Variants in RCC2 observed in about 807,000 individuals in gnomAD.
The protein encoded by RCC2 is protein RCC2.
Under a neutral mutation model 64.1 loss-of-function variants are expected in RCC2, and 19 were observed. The ratio of observed to expected loss-of-function variants is 0.30; its 90% CI spans 0.21 to 0.44. The LOEUF is 0.44. Ranked by LOEUF, RCC2 falls within the 20% of genes least tolerant of loss-of-function variation. The probability of loss-of-function intolerance (pLI) is 1.00; values close to 1 mark genes in which losing one functional copy is unlikely to be tolerated. For missense variants in RCC2, 508 were observed against 710.4 expected (o/e 0.72, Z 3.24); for synonymous variants, 325 against 279.6 (o/e 1.16, Z -1.62).
rs534738834 is a variant in RCC2, at chr1:17,414,420, CT to C, written c.1027-704del. ...TGGTGTGCACCTGTAATCCCAGCTACTCAGGAGGCTGAGACAGGAGAATCTC... is the reference window on the plus strand; with the variant it reads ...TGGTGTGCACCTGTAATCCCAGCTACCAGGAGGCTGAGACAGGAGAATCTC... On this transcript the variant is annotated intron_variant, in intron 8 of 12. Transcript: ENST00000375436. Among the ~76,000 whole-genome samples, 37 of 151,882 alleles carry C rather than the reference CT, an allele frequency of 2.4e-4. No individual in the cohort carries two copies. In the East Asian group the frequency reaches 6.6e-3, roughly 27 times the overall value.
At chr1:17,421,472 C>A (rs189221425) in intron 6 of RCC2, among the ~76,000 whole-genome samples, 136 of 149,442 alleles carry the variant, frequency 9.1e-4, no homozygotes, top group African/African-American at 2.9e-3. Flanking sequence ...TCTAGCCTGG[C>A]AACAGAGCGA....
In RCC2 at chr1:17,409,098, T is replaced by C. The variant is rs2100347898; in HGVS notation, c.1561A>G (p.Thr521Ala). 6.2e-7 allele frequency: 1 copy of C among 1,611,194 alleles called. No homozygotes were observed. ...AGGAGTCTCCGGGAGCATCAGAGGG[T>C]TCGGGGGTTGTATTCTGGCAGTTTC... Reference protein sequence around the residue: ...IKKLPEYNPRTL With the variant: ...IKKLPEYNPRAL The change falls in exon 13 of 13, where the codon ACC becomes GCC. Residue 521 changes from threonine to alanine, a missense_variant. Physicochemically the swap from Thr to Ala is moderately conservative, Grantham distance 58. Around this residue, in one of 4 missense-constraint regions of RCC2, gnomAD observed 179 missense variants for 322.0 expected, o/e 0.56. Transcript: ENST00000375436.
intron 11 of RCC2, 129 bp downstream of exon 11, chr1:17,411,993 A>G: frequency 1.3e-6 from 1 of 799,824 alleles, no homozygotes; most frequent in Non-Finnish European, 2.1e-6. Context: ...GCAAACCTTA[A>G]TACAATAAGG....
intron 2 of RCC2, among the ~76,000 whole-genome samples, chr1:17,434,242 C>T (rs186681891): frequency 3.3e-5 from 5 of 152,338 alleles, no homozygotes; most frequent in African/African-American, 9.6e-5. Flanking sequence ...AGGCAGCTTC[C>T]GGATGGGGCA....
chr1:17,422,039 AAAACAAAAAAAC>A (rs961906263), intron 6 of RCC2, among the ~76,000 whole-genome samples, 152 bp downstream of exon 6: 17 of 152,250 alleles, frequency 1.1e-4, no homozygotes, highest in Non-Finnish European at 1.6e-4. Context: ...AAAAAAACAA[AAAACAAAAAAAC>A]AAACAAAAAA....
intron 8 of RCC2, among the ~76,000 whole-genome samples, chr1:17,415,825 T>C (rs1173890401): frequency 6.6e-6 from 1 of 151,216 alleles, no homozygotes; most frequent in African/African-American, 2.4e-5. Context: ...TCCCAGCACT[T>C]TGAGAGGCCG....
intron 3 of RCC2, among the ~76,000 whole-genome samples, chr1:17,426,864 T>C (rs775257618): frequency 6.7e-6 from 1 of 150,272 alleles, no homozygotes; most frequent in Non-Finnish European, 1.5e-5. Flanking sequence ...CCAGGTTCAA[T>C]TGATTCTCCT....
At position 17,428,381 on chromosome 1, in the gene RCC2, C is replaced by T. The variant is rs572489187; in HGVS notation, c.379+725G>A. ...TAAACCCATTTCTAATTCAGCTGGC[C>T]CCCAGGTGTTTTCATGGAACAAGGT... On this transcript the variant is annotated intron_variant, in intron 3 of 12. Coordinates refer to ENST00000375436, the MANE Select transcript of RCC2 (RefSeq NM_018715.4). 7.8e-4 allele frequency among the ~76,000 whole-genome samples: 119 copies of T among 152,196 alleles called. 1 individual carries two copies. Among genetic ancestry groups the T allele is most frequent in the African/African-American group, 2.7e-3 (114 of 41,538 alleles).
At chr1:17,409,645 C>T (rs1010660339) in intron 12 of RCC2, among the ~76,000 whole-genome samples, 2 of 152,228 alleles carry the variant, frequency 1.3e-5, no homozygotes, top group Non-Finnish European at 2.9e-5. Flanking sequence ...TGTGGACCTG[C>T]GGACCTGCCT....
rs2075487533 is a variant in RCC2, at chr1:17,416,533, G to C, written c.973C>G (p.Leu325Val). The change falls in exon 8 of 13, where the codon CTG becomes GTG. Residue 325 changes from leucine to valine, a missense_variant. This residue lies in a region of RCC2 where 179 missense variants were observed against 322.0 expected (regional missense o/e 0.56). Transcript: ENST00000375436. ...CGTACAACCACGTTTGGTACAGGCA[G>C]AATCTGTCCATCTTTCGTCTTCTCA... Reference protein sequence around the residue: ...FIEKTKDGQILPVPNVVVRDV... With the variant: ...FIEKTKDGQIVPVPNVVVRDV... 2.5e-6 allele frequency: 4 copies of C among 1,613,952 alleles called. No homozygotes were observed. The highest frequency in any genetic ancestry group is 3.4e-6 in the Non-Finnish European group (4 of 1,180,036).
intron 11 of RCC2, among the ~76,000 whole-genome samples, chr1:17,410,382 G>C (rs1261531838): frequency 6.6e-6 from 1 of 152,254 alleles, no homozygotes; most frequent in Non-Finnish European, 1.5e-5. Flanking sequence ...AGGAAGAATG[G>C]CAACTGCGGC....
At chr1:17,431,442 G>A (rs1289370319) in intron 2 of RCC2, among the ~76,000 whole-genome samples, 1 of 119,034 alleles carries the variant, frequency 8.4e-6, no homozygotes, top group Admixed American at 9.7e-5. Context: ...TGAAGCAGGC[G>A]GATCACCTGA....
intron 2 of RCC2, among the ~76,000 whole-genome samples, chr1:17,429,404 C>T (rs561719444): frequency 1.7e-4 from 26 of 152,284 alleles, no homozygotes; most frequent in Admixed American, 2.6e-4. Flanking sequence ...TGCCCACAGC[C>T]GCTCACTTGC....
chr1:17,425,158 CAG>C (rs1336473012), intron 4 of RCC2, among the ~76,000 whole-genome samples: 2 of 152,088 alleles, frequency 1.3e-5, no homozygotes, highest in Non-Finnish European at 2.9e-5. Context: ...GTGGCAGCAA[CAG>C]AGGTCTCATG....
intron 11 of RCC2, among the ~76,000 whole-genome samples, chr1:17,411,859 A>C (rs1317496719): frequency 1.3e-5 from 2 of 152,172 alleles, no homozygotes; most frequent in Non-Finnish European, 2.9e-5. Flanking sequence ...TGGTTTACAA[A>C]ATGTGAGGGG....
In RCC2 at chr1:17,417,794, T is replaced by C. The variant is rs1250938138; in HGVS notation, c.860-1148A>G. ...TGGTGTGCACCTCAGCCCTTATTGG[T>C]ATGTGTGTTTTTGAGCACTGTGCTA... On this transcript the variant is annotated intron_variant, in intron 7 of 12. Coordinates refer to ENST00000375436, the MANE Select transcript of RCC2 (RefSeq NM_018715.4). Among the ~76,000 whole-genome samples the C allele has an allele frequency of 2.6e-5, 4 of 152,160 alleles. No individual in the cohort carries two copies. In the East Asian group the frequency reaches 7.7e-4, roughly 29 times the overall value.
Position 17,422,233 on chromosome 1 carries a change from G to A in RCC2, c.714C>T (p.Asn238=), listed in dbSNP as rs762579861. The A allele has an allele frequency of 8.7e-6, 14 of 1,612,190 alleles. No homozygotes were observed. In the South Asian group the frequency reaches 1.3e-4, roughly 15 times the overall value. ...CGGGGCTGGGAACAGCGTCTGTCTG[G>A]TTGCCAAGGCCCAGCTGCCCCATCT... is the stretch of plus-strand genomic sequence containing the variant. ...ENKMGQLGLG[N]QTDAVPSPAQ... Residue 238 remains asparagine (N), a synonymous_variant, in exon 6 of 13, where the codon AAC becomes AAT. Transcript: ENST00000375436.
At chr1:17,418,327 C>T (rs749624353) in intron 7 of RCC2, among the ~76,000 whole-genome samples, 41 of 151,170 alleles carry the variant, frequency 2.7e-4, no homozygotes, top group South Asian at 1.9e-3. Context: ...CTACTGTTGA[C>T]ATAATCCCTT....
At chr1:17,435,376 C>G (rs933289766) in intron 2 of RCC2, among the ~76,000 whole-genome samples, 1 of 152,244 alleles carries the variant, frequency 6.6e-6, no homozygotes, top group African/African-American at 2.4e-5. Context: ...TGCTTTCACA[C>G]AGACCTCCTC....
Sources: allele counts gnomAD v4.1 joint callset (sites outside exome capture counted in the v4.1 genomes callset), GRCh38; gene constraint gnomAD v4.1.1; regional missense constraint gnomAD v4.1.1; transcripts MANE v1.5; gene names NCBI Gene and HGNC (gene_info 2026-07-23, HGNC 2026-07-21).